Variants in FAM184B observed in about 807,000 individuals in gnomAD.
FAM184B encodes family with sequence similarity 184 member B, also known as protein FAM184B.
In FAM184B, 111 loss-of-function variants were observed where a neutral mutation model predicts 135.9. The observed-to-expected ratio is 0.82, with a 90% CI of 0.70 to 0.96. The LOEUF is 0.96. Ranked by LOEUF, FAM184B falls within the 40% of genes least tolerant of loss-of-function variation. FAM184B has a pLI of 0.00. For missense variants in FAM184B, 1,375 were observed against 1,323.9 expected (o/e 1.04, Z -0.60); for synonymous variants, 552 against 524.8 (o/e 1.05, Z -0.71).
intron 1 of FAM184B, among the ~76,000 whole-genome samples, chr4:17,768,346 C>T (rs1029475741): frequency 1.3e-5 from 2 of 152,176 alleles, no homozygotes; most frequent in African/African-American, 4.8e-5. Flanking sequence ...GCGATTTCAG[C>T]TCACTGCAAC....
chr4:17,706,346 C>G (rs1013350720), intron 3 of FAM184B, among the ~76,000 whole-genome samples: 1 of 152,164 alleles, frequency 6.6e-6, no homozygotes, highest in African/African-American at 2.4e-5. Context: ...GAACCAGTAC[C>G]TCCCCTTCTC....
rs1715665181 is a variant in FAM184B, at chr4:17,652,924, T to A, written c.2097A>T (p.Thr699=). Residue 699 remains threonine, a synonymous_variant, in exon 11 of 18, where the codon ACA becomes ACT. Transcript: ENST00000265018. ...CCAAGGCCTGGAGCTCCAGTCGGTG[T>A]GTCTGGTGTTGGATCTGGAGGCTGT... The part of the protein sequence containing the change: ...SSHSLQIQHQ[T]HRLELQALEE... 7 of 1,551,560 alleles carry A rather than the reference T, an allele frequency of 4.5e-6. No homozygotes were observed. The highest frequency in any genetic ancestry group is 6.1e-6 in the Non-Finnish European group (7 of 1,146,968).
chr4:17,735,063 C>T (rs931731352), intron 1 of FAM184B, among the ~76,000 whole-genome samples: 2 of 151,866 alleles, frequency 1.3e-5, no homozygotes, highest in East Asian at 1.9e-4. Context: ...TCATCATTCT[C>T]AGCAAACTAT....
intron 1 of FAM184B, among the ~76,000 whole-genome samples, chr4:17,751,297 ACT>A (rs1277204416): frequency 9.2e-6 from 1 of 109,256 alleles, no homozygotes; most frequent in Non-Finnish European, 2.0e-5. Flanking sequence ...ACAGAGCAAG[ACT>A]CTGTCTCAAA....
Position 17,688,447 on chromosome 4 carries a change from GC to G in FAM184B, c.1572del (p.Gln524HisfsTer13), listed in dbSNP as rs780564865. 6.4e-7 allele frequency: 1 copy of G among 1,550,790 alleles called. No homozygotes were observed. On this transcript the variant is annotated frameshift_variant, in exon 7 of 18. Transcript: ENST00000265018. LOFTEE classifies it high-confidence loss of function. ...AEESPQELGR[Q>X]HCSILETQDP... ...ACCTGGGTCTCCAGAATGCTGCAGT[GC>G]TGGCGGCCTAATTCCTGGGGACTTT... is the stretch of plus-strand genomic sequence containing the variant.
intron 1 of FAM184B, among the ~76,000 whole-genome samples, chr4:17,766,736 G>A (rs1485393013): frequency 6.6e-6 from 1 of 152,256 alleles, no homozygotes; most frequent in African/African-American, 2.4e-5. Context: ...CAGGAGCCCA[G>A]CTGGTTTCAC....
At chr4:17,633,639 T>C in intron 17 of FAM184B, 50 bp downstream of exon 17, 1 of 1,384,420 alleles carries the variant, frequency 7.2e-7, no homozygotes, top group Non-Finnish European at 9.5e-7. Context: ...CTTCCCCTCT[T>C]ATCTACAGGG....
intron 1 of FAM184B, among the ~76,000 whole-genome samples, chr4:17,727,031 T>C (rs1432379149): frequency 6.6e-6 from 1 of 152,098 alleles, no homozygotes; most frequent in East Asian, 1.9e-4. Flanking sequence ...GCTCAGTATC[T>C]CAAAGGAAAT....
intron 3 of FAM184B, among the ~76,000 whole-genome samples, chr4:17,706,937 CA>C (rs1717133983): frequency 6.6e-6 from 1 of 152,084 alleles, no homozygotes; most frequent in African/African-American, 2.4e-5. Context: ...AGGCACCCCT[CA>C]CTGTGCTTGG....
At chr4:17,741,922 G>A (rs999980433) in intron 1 of FAM184B, among the ~76,000 whole-genome samples, 13 of 151,944 alleles carry the variant, frequency 8.6e-5, no homozygotes, top group Non-Finnish European at 1.8e-4. Context: ...TAATCAATAG[G>A]TTTACTATCA....
At position 17,717,513 on chromosome 4, in the gene FAM184B, C is replaced by T. The variant is rs147196474; in HGVS notation, c.142-7869G>A. On this transcript the variant is annotated intron_variant, in intron 1 of 17. Transcript: ENST00000265018. Reference sequence around the variant, plus strand: ...ACTGCTCCAGGCCTCATTTATAAACCCACCTCCTATGGGGGAGGCTGACTT... The same window carrying T: ...ACTGCTCCAGGCCTCATTTATAAACTCACCTCCTATGGGGGAGGCTGACTT... Among the ~76,000 whole-genome samples, 231 of 152,222 alleles carry T rather than the reference C, an allele frequency of 1.5e-3. 1 individual carries two copies. Among genetic ancestry groups the T allele is most frequent in the African/African-American group, 5.2e-3 (214 of 41,526 alleles).
chr4:17,650,826 C>A (rs540658977), intron 11 of FAM184B, among the ~76,000 whole-genome samples: 45 of 152,306 alleles, frequency 3.0e-4, no homozygotes, highest in African/African-American at 1.0e-3. Context: ...CTCAACCAAG[C>A]AGCAAGGTAG....
intron 1 of FAM184B, among the ~76,000 whole-genome samples, chr4:17,711,266 G>A (rs1717263019): frequency 6.6e-6 from 1 of 152,030 alleles, no homozygotes; most frequent in South Asian, 2.1e-4. Flanking sequence ...GGATCACATG[G>A]TCAGGAGTTC....
chr4:17,692,993 C>T (rs1022667012), intron 6 of FAM184B, among the ~76,000 whole-genome samples: 6 of 141,874 alleles, frequency 4.2e-5, no homozygotes, highest in Admixed American at 3.0e-4. Flanking sequence ...CACAAAGGGG[C>T]GAATGTAACC....
Position 17,781,267 on chromosome 4 carries a change from C to CT in FAM184B, c.32_33insA (p.Pro12AlafsTer20). On this transcript the variant is annotated frameshift_variant, in exon 1 of 18. Coordinates refer to ENST00000265018, the MANE Select transcript of FAM184B (RefSeq NM_015688.2). LOFTEE classifies it high-confidence loss of function. This position sits in a 1 kb window ranked among gnomAD's most constrained non-coding sequence, Gnocchi z 6.5. ...CTTTGGAGCCCTGGCAAGTGCCGGG[C>CT]GGGTTAATTTTGCTGTTGAGAGCAG... 1 of 1,550,140 alleles carries CT rather than the reference C, an allele frequency of 6.5e-7. No homozygotes were observed. The highest frequency in any genetic ancestry group is 8.7e-7 in the Non-Finnish European group (1 of 1,146,190).
chr4:17,672,309 A>C (rs1280667002), intron 7 of FAM184B, among the ~76,000 whole-genome samples: 1 of 152,186 alleles, frequency 6.6e-6, no homozygotes, highest in Non-Finnish European at 1.5e-5. Flanking sequence ...CTCCTTCAAA[A>C]ATAAAAGAAA....
intron 9 of FAM184B, among the ~76,000 whole-genome samples, chr4:17,659,722 G>T (rs572744600): frequency 8.5e-4 from 129 of 152,280 alleles, no homozygotes; most frequent in African/African-American, 2.8e-3. Context: ...CTGACCTCAA[G>T]TGATCTGCCC....
At chr4:17,672,833 T>C (rs1373686537) in intron 7 of FAM184B, among the ~76,000 whole-genome samples, 1 of 152,200 alleles carries the variant, frequency 6.6e-6, no homozygotes, top group Non-Finnish European at 1.5e-5. Flanking sequence ...TATTGGTCTT[T>C]AGTTTTCTTT....
intron 1 of FAM184B, among the ~76,000 whole-genome samples, chr4:17,723,949 C>T (rs1260518292): frequency 6.6e-6 from 1 of 152,154 alleles, no homozygotes; most frequent in African/African-American, 2.4e-5. Flanking sequence ...GTCATCACAT[C>T]CGGGGCAGCA....
Sources: allele counts gnomAD v4.1 joint callset (sites outside exome capture counted in the v4.1 genomes callset), GRCh38; gene constraint gnomAD v4.1.1; non-coding constraint Gnocchi (gnomAD v3.1); transcripts MANE v1.5; gene names NCBI Gene and HGNC (gene_info 2026-07-23, HGNC 2026-07-21).